Variants in TENM2 observed in about 807,000 individuals in gnomAD.
The protein encoded by TENM2 is teneurin-2.
A neutral mutation model predicts 245.2 loss-of-function variants in TENM2; 52 were observed. The ratio of observed to expected loss-of-function variants is 0.21; its 90% CI spans 0.17 to 0.27. The LOEUF is 0.27. Ranked by LOEUF, TENM2 falls within the 10% of genes least tolerant of loss-of-function variation. The pLI is 1.00. For missense variants in TENM2, 3,046 were observed against 3,666.8 expected, an observed-to-expected ratio of 0.83 and a Z score of 4.37; for synonymous variants, 1,363 against 1,438.9, an observed-to-expected ratio of 0.95 and a Z score of 1.19.
intron 12 of TENM2, among the ~76,000 whole-genome samples, chr5:168,156,302 G>T (rs72835004): frequency 7.1e-6 from 1 of 140,286 alleles, no homozygotes; most frequent in African/African-American, 2.7e-5. Context: ...AACTTAGGAT[G>T]TAAGTTCTCT....
chr5:168,198,649 G>T (rs1359080576), intron 15 of TENM2, among the ~76,000 whole-genome samples: 1 of 152,168 alleles, frequency 6.6e-6, no homozygotes, highest in Non-Finnish European at 1.5e-5. Flanking sequence ...AGAAACTTGG[G>T]CTGAGAGAGG....
At position 168,190,476 on chromosome 5, in the gene TENM2, T is replaced by C. The variant is rs777476020; in HGVS notation, c.2709T>C (p.Tyr903=). The C allele has an allele frequency of 1.6e-5, 26 of 1,613,908 alleles. No homozygotes were observed. The Admixed American group carries it at 1.8e-4, about 11-fold the overall frequency. Residue 903 remains tyrosine, a synonymous_variant, in exon 14 of 29, where the codon TAT becomes TAC. Transcript: ENST00000518659. ...ATTGGCCCGCAGTGAAGTCCTTCTA[T>C]GACCGTATCAAGCTCTTGGCAGGCA...
At chr5:168,060,563 G>A (rs896668501) in intron 6 of TENM2, among the ~76,000 whole-genome samples, 10 of 152,094 alleles carry the variant, frequency 6.6e-5, no homozygotes, top group Admixed American at 1.3e-4. Context: ...ACTTCCTTTC[G>A]GACCTCATTC....
At chr5:167,050,930 C>G in the TENM2 span, among the ~76,000 whole-genome samples, 30 of 152,216 alleles carry the variant, frequency 2.0e-4, no homozygotes, top group Middle Eastern at 3.4e-3. Flanking sequence ...AGTTTGTCAG[C>G]CTGGAGGTGG....
At chr5:168,055,502 C>T (rs560850597) in intron 6 of TENM2, among the ~76,000 whole-genome samples, 82 of 152,260 alleles carry the variant, frequency 5.4e-4, no homozygotes, top group African/African-American at 1.8e-3. Flanking sequence ...ATACATGTGA[C>T]CTGTTGTCTG....
At chr5:167,771,841 G>T (rs1411997002) in intron 2 of TENM2, among the ~76,000 whole-genome samples, 1 of 152,188 alleles carries the variant, frequency 6.6e-6, no homozygotes, top group Admixed American at 6.5e-5. Context: ...TCTTAAAGCT[G>T]AAATGTTTTT....
At chr5:168,212,181 A>C (rs1470168114) in intron 20 of TENM2, among the ~76,000 whole-genome samples, 1 of 132,458 alleles carries the variant, frequency 7.5e-6, no homozygotes, top group Non-Finnish European at 1.5e-5. Flanking sequence ...ATATATGGTC[A>C]TCTTTAAAAA....
chr5:167,984,055 A>G (rs1251726528), intron 4 of TENM2, among the ~76,000 whole-genome samples: 2 of 152,122 alleles, frequency 1.3e-5, no homozygotes, highest in Non-Finnish European at 2.9e-5. Context: ...CAATCCCCCT[A>G]ACAAGCCCAA....
chr5:167,548,891 T>A (rs1409893243), intron 2 of TENM2, among the ~76,000 whole-genome samples: 3 of 152,210 alleles, frequency 2.0e-5, no homozygotes, highest in Non-Finnish European at 4.4e-5. Context: ...ATTGCATTAG[T>A]TGTAAAATGT....
At chr5:167,542,465 A>G (rs1015510245) in intron 2 of TENM2, among the ~76,000 whole-genome samples, 2 of 152,096 alleles carry the variant, frequency 1.3e-5, no homozygotes, top group African/African-American at 4.8e-5. Context: ...AGATAACTAG[A>G]TTGTCTCCCT....
chr5:167,316,341 T>C (rs1756362550), intron 1 of TENM2, among the ~76,000 whole-genome samples: 1 of 152,200 alleles, frequency 6.6e-6, no homozygotes, highest in African/African-American at 2.4e-5. Flanking sequence ...CTGGTTGATA[T>C]AGCCAACCTA....
intron 2 of TENM2, among the ~76,000 whole-genome samples, chr5:167,591,606 C>T (rs377519422): frequency 1.3e-5 from 2 of 152,118 alleles, no homozygotes; most frequent in African/African-American, 4.8e-5. Context: ...TTGAAGTAGG[C>T]GGCAGTATTA....
At chr5:167,434,668 G>A (rs1006442421) in intron 2 of TENM2, among the ~76,000 whole-genome samples, 1 of 151,958 alleles carries the variant, frequency 6.6e-6, no homozygotes, top group Admixed American at 6.5e-5. Context: ...ACTCTGTCTT[G>A]TCTGAATTTT....
At chr5:167,811,578 A>G (rs77011706) in intron 2 of TENM2, among the ~76,000 whole-genome samples, 9,524 of 152,192 alleles carry the variant, frequency 0.063, 367 homozygotes, top group Middle Eastern at 0.11. Flanking sequence ...GAATTTCTTT[A>G]TGGAAATGCA....
chr5:167,736,853 A>G (rs1760837273), intron 2 of TENM2, among the ~76,000 whole-genome samples: 1 of 152,156 alleles, frequency 6.6e-6, no homozygotes, highest in African/African-American at 2.4e-5. Context: ...GGAACATCCT[A>G]ACAAGGGGCT....
chr5:168,039,700 T>C (rs1788016339), intron 5 of TENM2, among the ~76,000 whole-genome samples: 1 of 152,006 alleles, frequency 6.6e-6, no homozygotes, highest in Non-Finnish European at 1.5e-5. Flanking sequence ...GCCAGTCAGG[T>C]GCATTCCTGG....
intron 2 of TENM2, among the ~76,000 whole-genome samples, chr5:167,414,061 A>G (rs867806358): frequency 6.6e-6 from 1 of 152,276 alleles, no homozygotes; most frequent in Middle Eastern, 3.4e-3. Flanking sequence ...AAAGGGTCAC[A>G]TTGGATGGAC....
chr5:167,212,768 A>AT, the TENM2 span, among the ~76,000 whole-genome samples: 1 of 152,168 alleles, frequency 6.6e-6, no homozygotes, highest in African/African-American at 2.4e-5. Flanking sequence ...TTAGATCAAT[A>AT]TTTCATTGGA....
intron 13 of TENM2, among the ~76,000 whole-genome samples, chr5:168,164,885 C>A (rs1296802221): frequency 6.6e-6 from 1 of 152,214 alleles, no homozygotes; most frequent in Non-Finnish European, 1.5e-5. Context: ...CTAGGGATAT[C>A]AATGACCAAG....
Sources: allele counts gnomAD v4.1 joint callset (sites outside exome capture counted in the v4.1 genomes callset), GRCh38; gene constraint gnomAD v4.1.1; transcripts MANE v1.5; gene names NCBI Gene and HGNC (gene_info 2026-07-23, HGNC 2026-07-21).